The following TOX2 variants were observed in gnomAD, a reference collection of about 807,000 sequenced individuals.
TOX2 encodes the protein granulosa cell HMG box 1.
In TOX2, 15 loss-of-function variants were observed where a neutral mutation model predicts 47.4. That is an observed-to-expected ratio of 0.32 (90% CI 0.21 to 0.49). The LOEUF (loss-of-function observed/expected upper bound fraction) is 0.49. TOX2 is among the 20% of genes least tolerant of loss of function. The pLI is 0.99. For synonymous variants in TOX2, 290 were observed against 296.6 expected (o/e 0.98, Z 0.23); for missense variants, 622 against 673.1 (o/e 0.92, Z 0.84).
intron 5 of TOX2, among the ~76,000 whole-genome samples, chr20:44,063,363 C>A (rs1416798394): frequency 1.3e-5 from 2 of 152,050 alleles, no homozygotes; most frequent in Admixed American, 6.5e-5. Context: ...AAATGGCCAA[C>A]AAACATATTA....
chr20:44,016,069 C>T (rs2145633896), intron 3 of TOX2, among the ~76,000 whole-genome samples: 1 of 151,992 alleles, frequency 6.6e-6, no homozygotes, highest in African/African-American at 2.4e-5. Flanking sequence ...TTCTTTGGAA[C>T]CAGGGACACT....
chr20:43,956,681 C>A (rs1482102045), intron 1 of TOX2, among the ~76,000 whole-genome samples: 13 of 152,142 alleles, frequency 8.5e-5, no homozygotes. Flanking sequence ...TCCCCTGCCT[C>A]TGGCTAGCTG....
chr20:44,025,050 A>G (rs1215419837), intron 3 of TOX2, among the ~76,000 whole-genome samples: 1 of 152,196 alleles, frequency 6.6e-6, no homozygotes, highest in Non-Finnish European at 1.5e-5. Context: ...GTGTTTCATC[A>G]TGTACTTAAC....
intron 2 of TOX2, among the ~76,000 whole-genome samples, chr20:43,990,176 T>C (rs1347700542): frequency 1.3e-5 from 2 of 152,268 alleles, no homozygotes; most frequent in Non-Finnish European, 2.9e-5. Context: ...AGGATAAGGA[T>C]ACCTCTACAC....
At chr20:43,991,114 A>C (rs2070360274) in intron 2 of TOX2, among the ~76,000 whole-genome samples, 1 of 152,152 alleles carries the variant, frequency 6.6e-6, no homozygotes, top group Non-Finnish European at 1.5e-5. Flanking sequence ...AGTTGGTGTA[A>C]CTGAGGCCCA....
chr20:43,997,732 TAATA>T, intron 2 of TOX2, among the ~76,000 whole-genome samples: 1 of 152,256 alleles, frequency 6.6e-6, no homozygotes, highest in East Asian at 1.9e-4. Flanking sequence ...TCTTGTCTTC[TAATA>T]AATTCATTTT....
intron 4 of TOX2, among the ~76,000 whole-genome samples, chr20:44,052,136 T>C (rs371671532): frequency 6.6e-6 from 1 of 152,174 alleles, no homozygotes; most frequent in East Asian, 1.9e-4. Context: ...GCCTAGAGTA[T>C]TCACTGACCT....
At chr20:43,982,961 T>C (rs1174487151) in intron 2 of TOX2, among the ~76,000 whole-genome samples, 1 of 151,804 alleles carries the variant, frequency 6.6e-6, no homozygotes, top group Non-Finnish European at 1.5e-5. Context: ...GCTCCAGAGC[T>C]GTTTGCAAGG....
intron 2 of TOX2, among the ~76,000 whole-genome samples, chr20:43,986,542 A>C (rs1461339860): frequency 6.6e-6 from 1 of 151,982 alleles, no homozygotes; most frequent in Non-Finnish European, 1.5e-5. Context: ...CCAGCCTCCC[A>C]AAGTGCTGGG....
intron 3 of TOX2, among the ~76,000 whole-genome samples, chr20:44,037,695 AT>A (rs1384240647): frequency 6.6e-6 from 1 of 152,120 alleles, no homozygotes. Flanking sequence ...TATCATTATT[AT>A]TATTGCTATC....
intron 2 of TOX2, among the ~76,000 whole-genome samples, chr20:43,996,978 G>A (rs6031285): frequency 0.13 from 20,320 of 152,056 alleles, 1,757 homozygotes; most frequent in African/African-American, 0.24. Flanking sequence ...CAACTCTGGG[G>A]ACACAAGTTG....
intron 2 of TOX2, among the ~76,000 whole-genome samples, chr20:43,983,210 C>A (rs2070200402): frequency 6.6e-6 from 1 of 152,088 alleles, no homozygotes; most frequent in Non-Finnish European, 1.5e-5. Context: ...GTCATACAGG[C>A]CAACATCCTC....
At chr20:43,954,278 C>T (rs1167680479) in intron 1 of TOX2, among the ~76,000 whole-genome samples, 1 of 152,216 alleles carries the variant, frequency 6.6e-6, no homozygotes, top group Non-Finnish European at 1.5e-5. Context: ...GCCTGACAGC[C>T]TCCTTCTCTC....
intron 2 of TOX2, among the ~76,000 whole-genome samples, chr20:43,981,625 A>G (rs996337293): frequency 3.3e-5 from 5 of 152,350 alleles, no homozygotes; most frequent in African/African-American, 7.2e-5. Context: ...GGAATTTATT[A>G]TAACTTTAGA....
At chr20:43,942,380 C>G (rs6017223) in intron 1 of TOX2, among the ~76,000 whole-genome samples, 33,405 of 152,138 alleles carry the variant, frequency 0.22, 5,332 homozygotes, top group African/African-American at 0.42. Flanking sequence ...CTGGGAACAG[C>G]TGAACAACAA....
chr20:44,008,349 C>T (rs1041666017), intron 3 of TOX2, among the ~76,000 whole-genome samples: 6 of 152,048 alleles, frequency 3.9e-5, no homozygotes, highest in Non-Finnish European at 7.4e-5. Flanking sequence ...CACTTGAGGC[C>T]AGGAGTTCAA....
chr20:44,065,440 C>T (rs1201956001), intron 6 of TOX2, among the ~76,000 whole-genome samples: 4 of 152,226 alleles, frequency 2.6e-5, no homozygotes, highest in African/African-American at 9.6e-5. Context: ...AGAGCTGGCT[C>T]AGTGGGATGG....
chr20:44,039,461 G>A (rs578157063), intron 3 of TOX2, among the ~76,000 whole-genome samples: 22 of 152,312 alleles, frequency 1.4e-4, no homozygotes, highest in African/African-American at 5.3e-4. Context: ...CACTGCAGGG[G>A]CCAGCATGGT....
intron 3 of TOX2, among the ~76,000 whole-genome samples, chr20:44,041,589 G>A (rs1339606886): frequency 2.0e-5 from 3 of 152,134 alleles, no homozygotes; most frequent in African/African-American, 7.2e-5. Flanking sequence ...AAGTGCGGTT[G>A]GGGAAGTGGG....
Sources: gnomAD v4.1 joint callset for allele counts (sites outside exome capture counted in the v4.1 genomes callset) on GRCh38, gnomAD v4.1.1 for gene constraint, MANE v1.5 for transcripts, NCBI Gene and HGNC (gene_info 2026-07-23, HGNC 2026-07-21) for gene names.